Variants in AP4E1 observed in about 807,000 individuals in gnomAD.
AP4E1 encodes the protein adaptor related protein complex 4 subunit epsilon 1.
In AP4E1, 56 loss-of-function variants were observed where a neutral mutation model predicts 128.2. That is an observed-to-expected ratio of 0.44 (90% CI 0.35 to 0.55). The LOEUF (loss-of-function observed/expected upper bound fraction) is 0.55. AP4E1 is among the 20% of genes least tolerant of loss of function. AP4E1 has a pLI of 0.00. For synonymous variants in AP4E1, 484 were observed against 473.1 expected (o/e 1.02, Z -0.30); for missense variants, 1,324 against 1,307.7 (o/e 1.01, Z -0.19).
intron 8 of AP4E1, among the ~76,000 whole-genome samples, chr15:50,941,203 A>G (rs1205283309): frequency 6.6e-6 from 1 of 152,136 alleles, no homozygotes; most frequent in East Asian, 1.9e-4. Context: ...TACTTGTTCC[A>G]TTAATAAATG....
At chr15:50,947,560 T>C (rs2140856757) in intron 10 of AP4E1, among the ~76,000 whole-genome samples, 1 of 152,318 alleles carries the variant, frequency 6.6e-6, no homozygotes, top group Non-Finnish European at 1.5e-5. Flanking sequence ...CCCACTCAAG[T>C]GGTGTCTTCT....
chr15:50,950,012 GTTTGTGGAAATTAAAAT>G (rs764049881), intron 12 of AP4E1, 22 bp from the exon 13 acceptor site: 1 of 1,594,162 alleles, frequency 6.3e-7, no homozygotes, highest in Non-Finnish European at 8.6e-7. Context: ...CCTAAGATAA[GTTTGTGGAAATTAAAAT>G]GGTGTATCAA....
chr15:50,908,851 C>T lies in AP4E1; in HGVS notation c.73C>T (p.Pro25Ser). The T allele has an allele frequency of 6.2e-7, 1 of 1,608,174 alleles. No individual in the cohort carries two copies. Among genetic ancestry groups the T allele is most frequent in the Admixed American group, 1.7e-5 (1 of 59,546 alleles). ...TCTGCAGAACCAGCCCGGTGGTGGG[C>T]CCGCGGCCGCCAAGGCGTCCTTCTC... is the stretch of plus-strand genomic sequence containing the variant. ...LFLQNQPGGGPAAAKASFSSR... is the reference protein window; with the variant it reads ...LFLQNQPGGGSAAAKASFSSR... Residue 25 changes from proline to serine, a missense_variant, in exon 1 of 21, where the codon CCC becomes TCC. Physicochemically the swap from Pro to Ser is moderately conservative, Grantham distance 74. Coordinates refer to ENST00000261842, the MANE Select transcript of AP4E1 (RefSeq NM_007347.5).
At chr15:50,925,272 G>A in intron 5 of AP4E1, 53 bp downstream of exon 5, 1 of 1,572,958 alleles carries the variant, frequency 6.4e-7, no homozygotes, top group South Asian at 1.1e-5. Context: ...CAAAACAGAA[G>A]TTTATGCTAG....
At chr15:50,994,349 C>T (rs945807867) in intron 17 of AP4E1, among the ~76,000 whole-genome samples, 3 of 152,094 alleles carry the variant, frequency 2.0e-5, no homozygotes, top group Admixed American at 6.6e-5. Context: ...AATGAACCCA[C>T]CTTGTACAAA....
intron 10 of AP4E1, chr15:50,944,898 G>T: frequency 1.2e-6 from 1 of 807,184 alleles, no homozygotes; most frequent in Non-Finnish European, 2.1e-6. Context: ...AAAGAACCTG[G>T]CTACTGTCCT....
Position 51,004,429 on chromosome 15 carries a change from G to C in AP4E1, c.*1767G>C, listed in dbSNP as rs1014649865. 6 of 152,226 alleles carry C rather than the reference G, an allele frequency of 3.9e-5. No individual in the cohort carries two copies. The highest frequency in any genetic ancestry group is 3.3e-4 in the Admixed American group (5 of 15,274). The allele number at this position is 152,226 out of a possible 1,614,324, so 9.4% of individuals were successfully genotyped here. ...TTTGCCTAGTTACTGAGGCTAGGTC[G>C]AGTGTGAAGCAATAGGTGTAAGATG... On this transcript the variant is annotated 3_prime_UTR_variant, in exon 21 of 21. Coordinates refer to ENST00000261842, the MANE Select transcript of AP4E1 (RefSeq NM_007347.5).
chr15:50,928,882 T>A, intron 5 of AP4E1, 127 bp from the exon 6 acceptor site: 1 of 894,118 alleles, frequency 1.1e-6, no homozygotes, highest in Non-Finnish European at 1.7e-6. Context: ...CACAAATGTA[T>A]AGTTATCTCT....
intron 16 of AP4E1, among the ~76,000 whole-genome samples, chr15:50,985,284 C>A (rs1440283067): frequency 6.6e-6 from 1 of 152,110 alleles, no homozygotes; most frequent in Non-Finnish European, 1.5e-5. Flanking sequence ...ATGTTAGTTT[C>A]TTTTGCTGTG....
chr15:50,947,387 G>A (rs1221773943), intron 10 of AP4E1, among the ~76,000 whole-genome samples: 2 of 147,984 alleles, frequency 1.4e-5, no homozygotes, highest in Non-Finnish European at 3.0e-5. Context: ...CTGCACTACA[G>A]CCTGGATGAC....
intron 3 of AP4E1, among the ~76,000 whole-genome samples, chr15:50,921,608 C>G (rs1439671767): frequency 6.6e-6 from 1 of 152,126 alleles, no homozygotes; most frequent in East Asian, 1.9e-4. Flanking sequence ...GCCTCAGCCT[C>G]CCAAAGTGCC....
At chr15:50,932,356 A>G (rs955685952) in intron 7 of AP4E1, among the ~76,000 whole-genome samples, 5 of 152,084 alleles carry the variant, frequency 3.3e-5, no homozygotes, top group Admixed American at 2.0e-4. Context: ...TACATCCTGC[A>G]CCTAGATTCA....
At chr15:50,982,823 T>A (rs749755519) in intron 15 of AP4E1, among the ~76,000 whole-genome samples, 1 of 152,208 alleles carries the variant, frequency 6.6e-6, no homozygotes, top group Non-Finnish European at 1.5e-5. Flanking sequence ...TAGTTGAGAG[T>A]ACAGCTCTGG....
At chr15:50,914,058 G>A (rs1044699616) in intron 2 of AP4E1, among the ~76,000 whole-genome samples, 5 of 152,248 alleles carry the variant, frequency 3.3e-5, no homozygotes, top group Non-Finnish European at 5.9e-5. Flanking sequence ...GACCTCAGGT[G>A]ATCTGCCCTC....
rs1227314627 is a variant in AP4E1 at position 50,949,826 on chromosome 15, A to G, written c.1317A>G (p.Lys439=). ...LVGKIAELAE[K]YAPDNAWFIQ... ...TACTTGTTCTTAACACTGTGGACAC[A>G]TATGCTCCTGATAATGCATGGTTTA... is the stretch of plus-strand genomic sequence containing the variant. The change falls in exon 12 of 21, where the codon AAA becomes AAG. Residue 439 remains lysine (K), a splice_region_variant and synonymous_variant. Coordinates refer to ENST00000261842, the MANE Select transcript of AP4E1 (RefSeq NM_007347.5). The G allele has an allele frequency of 5.0e-6, 8 of 1,608,670 alleles. No individual in the cohort carries two copies. In the South Asian group the frequency reaches 7.7e-5, roughly 15 times the overall value.
chr15:50,991,319 T>G (rs28759241), intron 16 of AP4E1, among the ~76,000 whole-genome samples: 1 of 152,212 alleles, frequency 6.6e-6, no homozygotes, highest in African/African-American at 2.4e-5. Context: ...TTAGTAAAAT[T>G]TAGGGACTTG....
intron 17 of AP4E1, among the ~76,000 whole-genome samples, chr15:50,995,594 C>T (rs1009692759): frequency 6.6e-5 from 10 of 151,946 alleles, no homozygotes; most frequent in Admixed American, 1.3e-4. Context: ...CCATGTTGGC[C>T]AGGCTGGTCT....
intron 16 of AP4E1, among the ~76,000 whole-genome samples, 172 bp downstream of exon 16, chr15:50,984,317 T>A (rs563267488): frequency 2.3e-3 from 345 of 152,282 alleles, no homozygotes; most frequent in Middle Eastern, 3.4e-3. Flanking sequence ...TCTTTTTTTT[T>A]AATTATACTT....
chr15:50,950,678 C>T (rs901540859), intron 13 of AP4E1, among the ~76,000 whole-genome samples: 6 of 152,094 alleles, frequency 3.9e-5, no homozygotes, highest in Admixed American at 2.6e-4. Context: ...CATAGGTAAA[C>T]GTGTGCCATG....
Sources: allele counts gnomAD v4.1 joint callset (sites outside exome capture counted in the v4.1 genomes callset), GRCh38; gene constraint gnomAD v4.1.1; transcripts MANE v1.5; gene names NCBI Gene and HGNC (gene_info 2026-07-23, HGNC 2026-07-21).